Variants in SOBP observed in about 807,000 individuals in gnomAD.
SOBP encodes the protein sine oculis binding protein homolog, also known as sine oculis-binding protein homolog.
In SOBP, 4 loss-of-function variants were observed where a neutral mutation model predicts 53.6. The observed-to-expected ratio is 0.07, with a 90% CI of 0.04 to 0.17. The LOEUF (loss-of-function observed/expected upper bound fraction) is 0.17. Ranked by LOEUF, SOBP falls within the 10% of genes least tolerant of loss-of-function variation. The pLI, the probability that SOBP is intolerant of heterozygous loss-of-function variation, is 1.00. For missense variants in SOBP, 1,088 were observed against 1,204.7 expected (o/e 0.90, Z 1.43); for synonymous variants, 584 against 522.6 (o/e 1.12, Z -1.60).
intron 3 of SOBP, among the ~76,000 whole-genome samples, chr6:107,508,151 C>T (rs1783050213): frequency 6.6e-6 from 1 of 152,118 alleles, no homozygotes; most frequent in African/African-American, 2.4e-5. Context: ...GGTTATGCTT[C>T]CATAAACAGT....
At chr6:107,646,519 G>A (rs1306966150) in intron 6 of SOBP, among the ~76,000 whole-genome samples, 1 of 152,196 alleles carries the variant, frequency 6.6e-6, no homozygotes, top group South Asian at 2.1e-4. Flanking sequence ...CGGACTTCAC[G>A]AATGTGGAAT....
chr6:107,521,545 G>T (rs1032945847), intron 3 of SOBP, among the ~76,000 whole-genome samples: 3 of 151,958 alleles, frequency 2.0e-5, no homozygotes, highest in Non-Finnish European at 4.4e-5. Context: ...GTCAACTTCA[G>T]GACCTACACT....
At chr6:107,499,833 G>A (rs1276199324) in intron 1 of SOBP, among the ~76,000 whole-genome samples, 2 of 152,128 alleles carry the variant, frequency 1.3e-5, no homozygotes, top group Admixed American at 6.5e-5. Flanking sequence ...CCTTCGTTCA[G>A]TGGCTTGTTT....
chr6:107,578,563 A>G (rs558565211), intron 4 of SOBP, among the ~76,000 whole-genome samples: 1 of 152,322 alleles, frequency 6.6e-6, no homozygotes, highest in Admixed American at 6.5e-5. Context: ...CAGCTTCTTC[A>G]TATATAAAAT....
intron 4 of SOBP, among the ~76,000 whole-genome samples, chr6:107,555,480 A>G (rs1388191962): frequency 6.6e-6 from 1 of 152,192 alleles, no homozygotes; most frequent in Non-Finnish European, 1.5e-5. Flanking sequence ...GTAGGTAAGC[A>G]ATGTTCCTTC....
intron 3 of SOBP, among the ~76,000 whole-genome samples, chr6:107,508,888 G>T (rs1783077705): frequency 6.6e-6 from 1 of 152,196 alleles, no homozygotes. Context: ...TAGGGGAGGG[G>T]AGATGATGAT....
chr6:107,608,435 G>A (rs866773739), intron 5 of SOBP, among the ~76,000 whole-genome samples: 21 of 152,200 alleles, frequency 1.4e-4, no homozygotes, highest in Non-Finnish European at 2.4e-4. Flanking sequence ...TTATAGTTGC[G>A]TGGTATTAGA....
chr6:107,637,372 G>T (rs568865604), intron 6 of SOBP, among the ~76,000 whole-genome samples: 3 of 152,202 alleles, frequency 2.0e-5, no homozygotes, highest in Non-Finnish European at 4.4e-5. Context: ...AGCCACCATC[G>T]TTCGAGGTTT....
rs144726345 is a variant in SOBP, at chr6:107,623,390, T to G, written c.670-10124T>G. 1.2e-4 allele frequency among the ~76,000 whole-genome samples: 19 copies of G among 152,286 alleles called. No homozygotes were observed. In the East Asian group the frequency reaches 2.1e-3, roughly 17 times the overall value. On this transcript the variant is annotated intron_variant, in intron 5 of 6. Coordinates refer to ENST00000317357, the MANE Select transcript of SOBP (RefSeq NM_018013.4). ...TATTTAGAGCAAGTCATGTAATATT[T>G]AACAAAAGAGGATGAAAAGGCAGGG...
At chr6:107,551,166 A>G (rs1414478803) in intron 4 of SOBP, among the ~76,000 whole-genome samples, 1 of 152,194 alleles carries the variant, frequency 6.6e-6, no homozygotes, top group Non-Finnish European at 1.5e-5. Context: ...TGCAGGGGCC[A>G]CACATCTAGT....
At chr6:107,562,831 G>C (rs1284338244) in intron 4 of SOBP, among the ~76,000 whole-genome samples, 1 of 152,116 alleles carries the variant, frequency 6.6e-6, no homozygotes, top group Non-Finnish European at 1.5e-5. Context: ...TGCTGTACAT[G>C]AAATGGCATG....
chr6:107,506,654 T>C (rs1783002899), intron 3 of SOBP, among the ~76,000 whole-genome samples: 1 of 152,190 alleles, frequency 6.6e-6, no homozygotes, highest in Admixed American at 6.5e-5. Context: ...CAGTAAACCT[T>C]TTCTACCACT....
intron 3 of SOBP, among the ~76,000 whole-genome samples, chr6:107,512,085 A>G (rs2114958209): frequency 6.6e-6 from 1 of 152,330 alleles, no homozygotes; most frequent in Middle Eastern, 3.4e-3. Context: ...TTATAAGAAT[A>G]TTAGAAAATA....
intron 1 of SOBP, among the ~76,000 whole-genome samples, chr6:107,501,225 T>C (rs1008723576): frequency 1.3e-5 from 2 of 152,226 alleles, no homozygotes; most frequent in Non-Finnish European, 2.9e-5. Flanking sequence ...GCCCAAATAA[T>C]GTGAATTTGG....
intron 3 of SOBP, among the ~76,000 whole-genome samples, chr6:107,532,241 T>TCTCTCACA (rs373567492): frequency 2.5e-3 from 347 of 139,734 alleles, no homozygotes; most frequent in Middle Eastern, 3.5e-3. Flanking sequence ...TCTCTCTCTC[T>TCTCTCACA]CACACACACA....
intron 3 of SOBP, among the ~76,000 whole-genome samples, chr6:107,530,098 A>G (rs1183374899): frequency 6.6e-6 from 1 of 152,204 alleles, no homozygotes; most frequent in Admixed American, 6.5e-5. Context: ...TCATGTAAAA[A>G]TCTGTTATGT....
chr6:107,634,870 G>T lies in SOBP; in HGVS notation c.2026G>T (p.Val676Phe), dbSNP rs1231573103. The change falls in exon 6 of 7, where the codon GTC becomes TTC. Residue 676 changes from valine to phenylalanine, a missense_variant. Transcript: ENST00000317357. The surrounding 1 kb of genome is among the most constrained non-coding windows in gnomAD (Gnocchi z 4.5). Reference protein sequence around the residue: ...NVIHRALHAHVKAEREPSAAE... With the variant: ...NVIHRALHAHFKAEREPSAAE... ...GATCCACCGCGCGCTGCACGCGCACGTCAAGGCGGAGCGCGAGCCGAGCGC... is the reference window on the plus strand; with the variant it reads ...GATCCACCGCGCGCTGCACGCGCACTTCAAGGCGGAGCGCGAGCCGAGCGC... 7.4e-7 allele frequency: 1 copy of T among 1,358,490 alleles called. No homozygotes were observed. The highest frequency in any genetic ancestry group is 2.6e-5 in the Admixed American group (1 of 38,620). The allele number at this position is 1,358,490 out of a possible 1,614,324, so 84.2% of individuals were successfully genotyped here. A position where few individuals can be genotyped will look rare whatever the true frequency, so the allele number is the denominator to read the frequency against.
chr6:107,646,984 A>C (rs1291518973), intron 6 of SOBP, among the ~76,000 whole-genome samples: 7 of 152,210 alleles, frequency 4.6e-5, no homozygotes, highest in Non-Finnish European at 1.0e-4. Context: ...GGCTCATCAC[A>C]GATGCCCTAA....
intron 4 of SOBP, among the ~76,000 whole-genome samples, chr6:107,561,391 G>A (rs1406348678): frequency 6.6e-6 from 1 of 152,196 alleles, no homozygotes; most frequent in African/African-American, 2.4e-5. Context: ...TCCAACCATA[G>A]CCCTTTAATG....
Sources: gnomAD v4.1 joint callset for allele counts (sites outside exome capture counted in the v4.1 genomes callset) on GRCh38, gnomAD v4.1.1 for gene constraint, Gnocchi (gnomAD v3.1) non-coding constraint, MANE v1.5 for transcripts, NCBI Gene and HGNC (gene_info 2026-07-23, HGNC 2026-07-21) for gene names.